Variants in CDH13 observed in about 807,000 individuals in gnomAD.
CDH13 encodes the protein cadherin 13.
Under a neutral mutation model 63.8 loss-of-function variants are expected in CDH13, and 24 were observed. The observed-to-expected ratio is 0.38, with a 90% CI of 0.27 to 0.53. The LOEUF (loss-of-function observed/expected upper bound fraction) is 0.53. Among genes scored for constraint, CDH13 ranks in the 20% least tolerant of loss-of-function variants. CDH13 has a pLI of 0.85. For missense variants in CDH13, 1,049 were observed against 903.1 expected, an observed-to-expected ratio of 1.16 and a Z score of -2.07; for synonymous variants, 503 against 355.3, an observed-to-expected ratio of 1.42 and a Z score of -4.67.
chr16:82,845,551 T>A (rs1257347574), intron 1 of CDH13, among the ~76,000 whole-genome samples: 1 of 152,232 alleles, frequency 6.6e-6, no homozygotes, highest in African/African-American at 2.4e-5. Flanking sequence ...CCTATTCATT[T>A]ACTGTTTCCC....
intron 5 of CDH13, among the ~76,000 whole-genome samples, chr16:83,331,199 G>A (rs902957454): frequency 2.6e-5 from 4 of 152,154 alleles, no homozygotes; most frequent in Non-Finnish European, 5.9e-5. Flanking sequence ...CTGTTTTCTA[G>A]TTCTCAGAAT....
At chr16:83,476,728 T>C (rs1173070903) in intron 6 of CDH13, among the ~76,000 whole-genome samples, 1 of 152,192 alleles carries the variant, frequency 6.6e-6, no homozygotes, top group Non-Finnish European at 1.5e-5. Flanking sequence ...CACCGTGTCC[T>C]TTTGTTGTTT....
intron 2 of CDH13, among the ~76,000 whole-genome samples, chr16:82,927,317 C>G (rs904912101): frequency 6.6e-6 from 1 of 152,162 alleles, no homozygotes; most frequent in African/African-American, 2.4e-5. Context: ...AGAGTCATGT[C>G]ACCATTACCT....
At chr16:83,301,032 T>TTTG (rs1384297303) in intron 5 of CDH13, among the ~76,000 whole-genome samples, 1 of 129,640 alleles carries the variant, frequency 7.7e-6, no homozygotes, top group Non-Finnish European at 1.6e-5. Flanking sequence ...GGGGTTTTTT[T>TTTG]TTTTTTTTTT....
chr16:83,098,733 C>G (rs76649047), intron 3 of CDH13, among the ~76,000 whole-genome samples: 2,040 of 152,298 alleles, frequency 0.013, 43 homozygotes, highest in African/African-American at 0.046. Context: ...TCATTCTTCT[C>G]TTTTTCCTCT....
chr16:82,729,247 T>C (rs1254338032), intron 1 of CDH13, among the ~76,000 whole-genome samples: 1 of 152,178 alleles, frequency 6.6e-6, no homozygotes, highest in East Asian at 1.9e-4. Flanking sequence ...TGAATCCTTT[T>C]CAGAAGGTTT....
At chr16:83,186,621 T>G (rs564946527) in intron 4 of CDH13, among the ~76,000 whole-genome samples, 1 of 152,340 alleles carries the variant, frequency 6.6e-6, no homozygotes, top group East Asian at 1.9e-4. Flanking sequence ...ACCCCTTCTC[T>G]GCCCAAGACT....
chr16:83,437,557 G>C (rs987032689), intron 6 of CDH13, among the ~76,000 whole-genome samples: 1 of 151,930 alleles, frequency 6.6e-6, no homozygotes, highest in Non-Finnish European at 1.5e-5. Context: ...CATGCCTGTA[G>C]TCCCAGCTAC....
chr16:83,304,459 A>C (rs1015335631), intron 5 of CDH13, among the ~76,000 whole-genome samples: 11 of 152,134 alleles, frequency 7.2e-5, no homozygotes, highest in African/African-American at 2.7e-4. Context: ...GGGATTTTCA[A>C]GCTTCCCTAG....
intron 5 of CDH13, among the ~76,000 whole-genome samples, chr16:83,244,768 C>T (rs1904817434): frequency 6.6e-6 from 1 of 152,190 alleles, no homozygotes; most frequent in Non-Finnish European, 1.5e-5. Context: ...TCACACGGGA[C>T]ACACTTAATT....
chr16:83,278,718 A>G (rs1337516281), intron 5 of CDH13, among the ~76,000 whole-genome samples: 2 of 152,202 alleles, frequency 1.3e-5, no homozygotes, highest in African/African-American at 4.8e-5. Context: ...GAAGAGAAGG[A>G]TACAAGTGTG....
chr16:83,613,436 C>T (rs1909023294), intron 8 of CDH13, among the ~76,000 whole-genome samples: 1 of 152,180 alleles, frequency 6.6e-6, no homozygotes, highest in Non-Finnish European at 1.5e-5. Context: ...TACATATACA[C>T]ACACACATAA....
chr16:82,639,305 G>T, intron 1 of CDH13: 1 of 1,283,062 alleles, frequency 7.8e-7, no homozygotes, highest in Non-Finnish European at 1.1e-6. Context: ...CTTCAGAACA[G>T]GGTCAGCCCG....
At chr16:83,185,632 C>A (rs2038494379) in intron 4 of CDH13, among the ~76,000 whole-genome samples, 1 of 152,236 alleles carries the variant, frequency 6.6e-6, no homozygotes, top group African/African-American at 2.4e-5. Context: ...ACCCATGCCT[C>A]TGAAAACGTC....
chr16:82,895,953 A>G (rs1385670270), intron 2 of CDH13, among the ~76,000 whole-genome samples: 3 of 152,152 alleles, frequency 2.0e-5, no homozygotes, highest in Non-Finnish European at 2.9e-5. Context: ...AAGCCTTCGC[A>G]GGCATTATCC....
At chr16:83,670,746 T>C (rs767670676) in intron 8 of CDH13, 44 bp from the exon 9 acceptor site, 2 of 1,568,940 alleles carry the variant, frequency 1.3e-6, no homozygotes, top group African/African-American at 2.7e-5. Context: ...TAAATGACTA[T>C]GTGTTTTCAA....
intron 2 of CDH13, among the ~76,000 whole-genome samples, chr16:82,872,858 G>C (rs1354172294): frequency 6.6e-6 from 1 of 152,204 alleles, no homozygotes; most frequent in African/African-American, 2.4e-5. Context: ...GTTTTTGCCA[G>C]ACCCTGTGCT....
chr16:83,033,648 G>T (rs747262109), intron 3 of CDH13, among the ~76,000 whole-genome samples: 4 of 152,106 alleles, frequency 2.6e-5, no homozygotes, highest in Non-Finnish European at 4.4e-5. Flanking sequence ...GCAGATCCCT[G>T]CACTCCCACA....
chr16:83,794,389 T>C (rs1463164178), intron 13 of CDH13, among the ~76,000 whole-genome samples: 2 of 151,704 alleles, frequency 1.3e-5, no homozygotes, highest in Non-Finnish European at 2.9e-5. Context: ...TCCATCTCTA[T>C]AAAAAATGCA....
Sources: gnomAD v4.1 joint callset for allele counts (sites outside exome capture counted in the v4.1 genomes callset) on GRCh38, gnomAD v4.1.1 for gene constraint, MANE v1.5 for transcripts, NCBI Gene and HGNC (gene_info 2026-07-23, HGNC 2026-07-21) for gene names.